Variants in STAT3 observed in about 807,000 individuals in gnomAD.
STAT3 encodes the protein signal transducer and activator of transcription 3.
STAT3 carries 7 observed loss-of-function variants against 114.3 expected under a neutral mutation model. The ratio of observed to expected loss-of-function variants is 0.06; its 90% CI spans 0.03 to 0.11. The LOEUF is 0.11. STAT3 is among the 10% of genes least tolerant of loss of function. The pLI is 1.00. For missense variants in STAT3, 364 were observed against 960.9 expected, an observed-to-expected ratio of 0.38 and a Z score of 8.21; for synonymous variants, 331 against 354.5, an observed-to-expected ratio of 0.93 and a Z score of 0.74.
chr17:42,349,872 C>T (rs994588428), intron 1 of STAT3, among the ~76,000 whole-genome samples: 1 of 152,190 alleles, frequency 6.6e-6, no homozygotes. Flanking sequence ...GCCTGACCAA[C>T]TTGGAGAAAC....
chr17:42,316,930 G>C, intron 22 of STAT3, 29 bp from the exon 23 acceptor site: 1 of 1,595,074 alleles, frequency 6.3e-7, no homozygotes, highest in South Asian at 1.1e-5. Context: ...AGCAGGAGGG[G>C]AAACGGGGGG....
intron 1 of STAT3, among the ~76,000 whole-genome samples, chr17:42,383,936 A>T (rs1010513003): frequency 1.3e-5 from 2 of 152,182 alleles, no homozygotes; most frequent in African/African-American, 4.8e-5. Context: ...AAATCAAACT[A>T]GTCAGGATAC....
chr17:42,376,145 C>A (rs1022624627), intron 1 of STAT3, among the ~76,000 whole-genome samples: 3 of 38,974 alleles, frequency 7.7e-5, no homozygotes, highest in African/African-American at 1.4e-4. Context: ...AGTGAGACTC[C>A]GTCTCAAAAA....
At chr17:42,316,207 TAAAA>T (rs1338772694) in intron 23 of STAT3, 5 of 532,692 alleles carry the variant, frequency 9.4e-6, no homozygotes. Context: ...AAAAAAAGAA[TAAAA>T]AAAGGTCTCA....
At chr17:42,373,210 C>G (rs1002827897) in intron 1 of STAT3, among the ~76,000 whole-genome samples, 6 of 152,056 alleles carry the variant, frequency 3.9e-5, no homozygotes, top group African/African-American at 1.2e-4. Context: ...ATTAGCCAGG[C>G]GTGGTGGCAG....
chr17:42,360,690 C>A (rs1276911947), intron 1 of STAT3, among the ~76,000 whole-genome samples: 1 of 151,474 alleles, frequency 6.6e-6, no homozygotes, highest in African/African-American at 2.4e-5. Flanking sequence ...AACCCACAAA[C>A]CAACCATTGT....
At chr17:42,317,480 CT>C in intron 21 of STAT3, 3 of 573,242 alleles carry the variant, frequency 5.2e-6, no homozygotes, top group East Asian at 2.9e-5. Flanking sequence ...TCAGCATAAC[CT>C]TTTCCCACCT....
At chr17:42,352,165 C>T (rs987454232) in intron 1 of STAT3, among the ~76,000 whole-genome samples, 1 of 152,076 alleles carries the variant, frequency 6.6e-6, no homozygotes, top group East Asian at 1.9e-4. Context: ...ATAGTGAAAC[C>T]CCGTCTCTAC....
chr17:42,343,891 T>A (rs2082567797), intron 4 of STAT3, among the ~76,000 whole-genome samples: 1 of 152,234 alleles, frequency 6.6e-6, no homozygotes, highest in Admixed American at 6.5e-5. Flanking sequence ...GTTAGTTTTG[T>A]TTCTCTTGGA....
At chr17:42,355,172 A>G (rs1172154997) in intron 1 of STAT3, among the ~76,000 whole-genome samples, 1 of 152,210 alleles carries the variant, frequency 6.6e-6, no homozygotes, top group Non-Finnish European at 1.5e-5. Context: ...TTACAAGTTA[A>G]TCTAAAGAAC....
intron 8 of STAT3, among the ~76,000 whole-genome samples, chr17:42,334,634 G>A (rs2082157603): frequency 6.6e-6 from 1 of 151,992 alleles, no homozygotes; most frequent in Non-Finnish European, 1.5e-5. Flanking sequence ...TAGTAGAGAT[G>A]GGATTTTGCC....
intron 2 of STAT3, among the ~76,000 whole-genome samples, chr17:42,348,031 C>G (rs1376833504): frequency 6.6e-6 from 1 of 152,156 alleles, no homozygotes; most frequent in Non-Finnish European, 1.5e-5. Context: ...CAAGTATCAA[C>G]CCAAAGTTCT....
chr17:42,316,388 A>G (rs1415599776), intron 23 of STAT3: 1 of 369,988 alleles, frequency 2.7e-6, no homozygotes, highest in Non-Finnish European at 5.2e-6. Context: ...GGTATGCGCC[A>G]CCATGCCCAG....
chr17:42,319,541 CAAAAAAAAAAAA>C (rs552897255), intron 21 of STAT3, among the ~76,000 whole-genome samples: 3 of 43,846 alleles, frequency 6.8e-5, no homozygotes, highest in Non-Finnish European at 7.6e-5. Context: ...GACTCAGGCT[CAAAAAAAAAAAA>C]AAAAAAAAAA....
chr17:42,345,324 C>A, intron 4 of STAT3: 3 of 499,274 alleles, frequency 6.0e-6, no homozygotes, highest in Middle Eastern at 5.6e-4. Flanking sequence ...AACTTTTAAA[C>A]CATTGGGTCT....
intron 1 of STAT3, among the ~76,000 whole-genome samples, chr17:42,372,573 C>G (rs1397923082): frequency 1.3e-5 from 2 of 152,146 alleles, no homozygotes; most frequent in Non-Finnish European, 2.9e-5. Context: ...AGGTGGAGCA[C>G]AGGGGGTTTC....
chr17:42,377,044 A>C (rs1252149014), intron 1 of STAT3, among the ~76,000 whole-genome samples: 1 of 152,230 alleles, frequency 6.6e-6, no homozygotes, highest in East Asian at 1.9e-4. Flanking sequence ...GTACAGATTT[A>C]TTCATATAAG....
chr17:42,314,764 C>T lies in STAT3; in HGVS notation c.*981G>A. ...GCTTCAGATGTCTTAAGGGTTTGAC[C>T]TGAAGCCCGTTTCAGGGATTATATA... is the stretch of plus-strand genomic sequence containing the variant. On this transcript the variant is annotated 3_prime_UTR_variant, in exon 24 of 24. Transcript: ENST00000264657. 1 of 215,760 alleles carries T rather than the reference C, an allele frequency of 4.6e-6. No individual in the cohort carries two copies. The highest frequency in any genetic ancestry group is 9.4e-6 in the Non-Finnish European group (1 of 106,868). 13.4% of individuals were successfully genotyped at this position (215,760 alleles called of 1,614,324 possible). A position where few individuals can be genotyped will look rare whatever the true frequency, so the allele number is the denominator to read the frequency against.
At chr17:42,349,966 G>C (rs1283526224) in intron 1 of STAT3, among the ~76,000 whole-genome samples, 1 of 151,970 alleles carries the variant, frequency 6.6e-6, no homozygotes, top group African/African-American at 2.4e-5. Context: ...TGAGGCAGGA[G>C]AATTGCTTGA....
Sources: gnomAD v4.1 joint callset for allele counts (sites outside exome capture counted in the v4.1 genomes callset) on GRCh38, gnomAD v4.1.1 for gene constraint, MANE v1.5 for transcripts, NCBI Gene and HGNC (gene_info 2026-07-23, HGNC 2026-07-21) for gene names.